Variants in MTERF4 observed in about 807,000 individuals in gnomAD.
MTERF4 encodes transcription termination factor 4, mitochondrial.
Under a neutral mutation model 22.5 loss-of-function variants are expected in MTERF4, and 17 were observed. That is an observed-to-expected ratio of 0.75 (90% CI 0.52 to 1.13). The LOEUF (loss-of-function observed/expected upper bound fraction) is 1.13. Ranked by LOEUF, MTERF4 falls within the 50% of genes most tolerant of loss-of-function variation. The pLI, the probability that MTERF4 is intolerant of heterozygous loss-of-function variation, is 0.00. For synonymous variants in MTERF4, 165 were observed against 175.3 expected (o/e 0.94, Z 0.47); for missense variants, 420 against 466.8 (o/e 0.90, Z 0.92).
chr2:241,102,149 G>C, intron 1 of MTERF4, 104 bp downstream of exon 1: 2 of 1,493,400 alleles, frequency 1.3e-6, no homozygotes, highest in Non-Finnish European at 1.8e-6. Context: ...CCTCCGGGAG[G>C]GCTCCACGAC....
chr2:241,087,807 C>T (rs954366177), downstream of MTERF4: 4 of 762,246 alleles, frequency 5.2e-6, no homozygotes, highest in South Asian at 5.4e-5. Flanking sequence ...TATAGCGCGT[C>T]GCTCTTTACT....
chr2:241,065,516 C>T, the MTERF4 span: 1 of 1,612,986 alleles, frequency 6.2e-7, no homozygotes, highest in Non-Finnish European at 8.5e-7. Flanking sequence ...GGGCCTACAA[C>T]ATCTCCGTCT....
At chr2:241,063,510 A>G in the MTERF4 span, 1 of 924,642 alleles carries the variant, frequency 1.1e-6, no homozygotes, top group Non-Finnish European at 1.7e-6. Flanking sequence ...AGCCCCAGGA[A>G]ATGCACGGAA....
intron 1 of MTERF4, chr2:241,100,151 A>G (rs4643537): frequency 0.04 from 16,577 of 418,400 alleles, 1,290 homozygotes; most frequent in East Asian, 0.2. Context: ...GGATGGGAGC[A>G]GGGACATGGA....
At chr2:241,069,444 C>T (rs927514205), downstream of MTERF4, among the ~76,000 whole-genome samples, 1 of 152,150 alleles carries the variant, frequency 6.6e-6, no homozygotes, top group Non-Finnish European at 1.5e-5. This position sits in a 1 kb window ranked among gnomAD's most constrained non-coding sequence, Gnocchi z 4.9. Context: ...ACAGCATGGA[C>T]AGTCAGCGCG....
rs1230400189 is a variant in MTERF4, at chr2:241,073,033, G to C, written n.3129C>G. ...TGGCTGTCCCTGAAGCAGCTCTGAG[G>C]GGGCCCTGCAAGGGGAAGGCCGAGC... On this transcript the variant is annotated non_coding_transcript_exon_variant, in exon 5 of 5. Transcript: ENST00000464344. This position sits in a 1 kb window ranked among gnomAD's most constrained non-coding sequence, Gnocchi z 6.6. The C allele has an allele frequency of 5.6e-6, 3 of 533,086 alleles. No homozygotes were observed. The highest frequency in any genetic ancestry group is 1.0e-5 in the Non-Finnish European group (3 of 299,784). 33.0% of individuals were successfully genotyped at this position (533,086 alleles called of 1,614,324 possible).
the MTERF4 span, chr2:241,048,589 G>A: frequency 6.6e-7 from 1 of 1,513,914 alleles, no homozygotes; most frequent in African/African-American, 1.4e-5. Context: ...GCCAGGAGCA[G>A]GGCAGGGTCT....
chr2:241,079,208 C>G (rs1005734447), intron 4 of MTERF4, among the ~76,000 whole-genome samples: 1 of 150,188 alleles, frequency 6.7e-6, no homozygotes, highest in African/African-American at 2.5e-5. Context: ...TTCAGGAGAT[C>G]GAGACCATCC....
chr2:241,063,887 G>A, the MTERF4 span: 2 of 800,018 alleles, frequency 2.5e-6, no homozygotes, highest in East Asian at 2.7e-5. Context: ...GGCGGGACCT[G>A]CCCACTGCCC....
chr2:241,070,347 T>A (rs901455526), downstream of MTERF4: 3 of 901,412 alleles, frequency 3.3e-6, no homozygotes, highest in Non-Finnish European at 4.9e-6. Flanking sequence ...GGAGTCTGTG[T>A]ATGAAAGTGG....
At chr2:241,100,496 C>A (rs548678230) in intron 1 of MTERF4, among the ~76,000 whole-genome samples, 3 of 152,230 alleles carry the variant, frequency 2.0e-5, no homozygotes. Flanking sequence ...GGGGGTCTCA[C>A]TCTGTTGCCC....
the MTERF4 span, among the ~76,000 whole-genome samples, chr2:241,045,232 A>C: frequency 6.6e-6 from 1 of 152,226 alleles, no homozygotes. Flanking sequence ...GTGCTCTCTA[A>C]ATTGATTTAT....
the MTERF4 span, among the ~76,000 whole-genome samples, chr2:241,065,988 C>G: frequency 1.3e-5 from 2 of 152,038 alleles, no homozygotes; most frequent in African/African-American, 2.4e-5. Flanking sequence ...CTCTGAAGGC[C>G]TGGGGAGAGT....
At chr2:241,071,502 A>C (rs1575059228), downstream of MTERF4, 1 of 1,493,152 alleles carries the variant, frequency 6.7e-7, no homozygotes. Flanking sequence ...GAGGGGCACC[A>C]CCCATGCCAC....
Position 241,095,827 on chromosome 2 carries a change from T to G in MTERF4, c.*171A>C. The G allele has an allele frequency of 1.7e-6, 2 of 1,205,258 alleles. No homozygotes were observed. The highest frequency in any genetic ancestry group is 2.3e-6 in the Non-Finnish European group (2 of 866,298). The allele number at this position is 1,205,258 out of a possible 1,614,324, so 74.7% of individuals were successfully genotyped here. A position where few individuals can be genotyped will look rare whatever the true frequency, so the allele number is the denominator to read the frequency against. On this transcript the variant is annotated 3_prime_UTR_variant, in exon 4 of 4. Coordinates refer to ENST00000391980, the MANE Select transcript of MTERF4 (RefSeq NM_182501.4). ...CAAACATGCATTTCCTGTTTCCTGT[T>G]TGGTTTGATCTGTCTGCCTCTCAGG...
chr2:241,082,303 A>G, downstream of MTERF4: 1 of 1,613,522 alleles, frequency 6.2e-7, no homozygotes, highest in Non-Finnish European at 8.5e-7. Context: ...CCGCCCCTGC[A>G]CAAGGCTGTT....
chr2:241,064,834 C>G, the MTERF4 span: 5 of 1,571,172 alleles, frequency 3.2e-6, no homozygotes, highest in Non-Finnish European at 4.3e-6. This position sits in a 1 kb window ranked among gnomAD's most constrained non-coding sequence, Gnocchi z 7.0. Flanking sequence ...GCCACTTTTT[C>G]TCCCCTCAGT....
the MTERF4 span, among the ~76,000 whole-genome samples, chr2:241,061,023 C>T: frequency 1.3e-5 from 2 of 151,774 alleles, no homozygotes; most frequent in Non-Finnish European, 2.9e-5. Flanking sequence ...CTCCTTAAGC[C>T]ACAAAAAGAA....
At chr2:241,053,025 T>G in the MTERF4 span, 1 of 866,112 alleles carries the variant, frequency 1.2e-6, no homozygotes, top group Non-Finnish European at 1.7e-6. Flanking sequence ...GAGGCACCTT[T>G]CCCCGGTGAA....
Sources: allele counts gnomAD v4.1 joint callset (sites outside exome capture counted in the v4.1 genomes callset), GRCh38; gene constraint gnomAD v4.1.1; non-coding constraint Gnocchi (gnomAD v3.1); transcripts MANE v1.5; gene names NCBI Gene and HGNC (gene_info 2026-07-23, HGNC 2026-07-21).